PTPRD: variants seen among roughly 807,000 people sequenced by gnomAD.
The protein encoded by PTPRD is receptor-type tyrosine-protein phosphatase delta.
A neutral mutation model predicts 214.5 loss-of-function variants in PTPRD; 34 were observed. The ratio of observed to expected loss-of-function variants is 0.16; its 90% CI spans 0.12 to 0.21. The LOEUF (loss-of-function observed/expected upper bound fraction) is 0.21, where lower values mean the gene tolerates loss of function less well. PTPRD is among the 10% of genes least tolerant of loss of function. The pLI, the probability that PTPRD is intolerant of heterozygous loss-of-function variation, is 1.00. For missense variants in PTPRD, 2,545 were observed against 2,398.7 expected (o/e 1.06, Z -1.27); for synonymous variants, 1,128 against 845.7 (o/e 1.33, Z -5.79).
chr9:9,278,748 A>T (rs1946584898), intron 9 of PTPRD, among the ~76,000 whole-genome samples: 2 of 151,394 alleles, frequency 1.3e-5, no homozygotes. Flanking sequence ...TAGAACATGC[A>T]GTTAATAACG....
chr9:8,496,203 C>CAA (rs1366929172), intron 26 of PTPRD, among the ~76,000 whole-genome samples: 37 of 128,564 alleles, frequency 2.9e-4, no homozygotes, highest in African/African-American at 1.0e-3. Flanking sequence ...CACACACACA[C>CAA]ACACACAAAC....
At chr9:9,402,966 GAAAAAAAA>G (rs1555359331) in intron 8 of PTPRD, among the ~76,000 whole-genome samples, 5 of 78,608 alleles carry the variant, frequency 6.4e-5, no homozygotes, top group African/African-American at 2.5e-4. Flanking sequence ...CTAATAGGGA[GAAAAAAAA>G]AAAAAAAAAA....
chr9:8,763,768 C>T (rs1211803486), intron 11 of PTPRD, among the ~76,000 whole-genome samples: 3 of 151,672 alleles, frequency 2.0e-5, no homozygotes, highest in Non-Finnish European at 4.4e-5. Context: ...TAAGTTACCC[C>T]TCTCTTATAT....
chr9:8,618,342 G>C (rs563796625), intron 14 of PTPRD, among the ~76,000 whole-genome samples: 1 of 152,114 alleles, frequency 6.6e-6, no homozygotes. Flanking sequence ...TAAAGGGCTT[G>C]GTACCTTTCA....
chr9:9,370,877 T>G (rs1315004141), intron 9 of PTPRD, among the ~76,000 whole-genome samples: 1 of 151,722 alleles, frequency 6.6e-6, no homozygotes, highest in African/African-American at 2.4e-5. Flanking sequence ...AATCATGTGG[T>G]TTTTGTCTTT....
intron 4 of PTPRD, among the ~76,000 whole-genome samples, chr9:9,970,520 C>T (rs184928362): frequency 1.3e-5 from 2 of 151,712 alleles, no homozygotes; most frequent in East Asian, 3.9e-4. Context: ...GACAGTCAGA[C>T]ATGGCTCTTA....
chr9:10,356,884 T>C (rs1305512440), intron 2 of PTPRD, among the ~76,000 whole-genome samples: 2 of 151,876 alleles, frequency 1.3e-5, no homozygotes, highest in Non-Finnish European at 2.9e-5. Context: ...TTTCACCATG[T>C]TGGTCAGGAT....
chr9:10,477,797 G>A (rs577820389), intron 2 of PTPRD, among the ~76,000 whole-genome samples: 1 of 152,076 alleles, frequency 6.6e-6, no homozygotes, highest in Non-Finnish European at 1.5e-5. Context: ...ATACTATGCA[G>A]CCATAAAAAA....
At chr9:8,645,055 A>T (rs1034565189) in intron 12 of PTPRD, among the ~76,000 whole-genome samples, 6 of 152,256 alleles carry the variant, frequency 3.9e-5, no homozygotes, top group African/African-American at 1.4e-4. Flanking sequence ...GATTGCACAG[A>T]TAATATATCG....
chr9:9,695,575 C>T (rs947693042), intron 7 of PTPRD, among the ~76,000 whole-genome samples: 2 of 152,054 alleles, frequency 1.3e-5, no homozygotes, highest in Non-Finnish European at 2.9e-5. Flanking sequence ...AGGTATGTTC[C>T]TTTTATACCC....
At chr9:9,835,854 A>C (rs1181664663) in intron 5 of PTPRD, among the ~76,000 whole-genome samples, 2 of 152,126 alleles carry the variant, frequency 1.3e-5, no homozygotes, top group Non-Finnish European at 2.9e-5. Flanking sequence ...CCCTTCTATA[A>C]TAATCTTATG....
intron 7 of PTPRD, among the ~76,000 whole-genome samples, chr9:9,645,765 C>T (rs1407231790): frequency 1.3e-5 from 2 of 151,872 alleles, no homozygotes; most frequent in South Asian, 4.1e-4. Flanking sequence ...TAATATCCAC[C>T]ATTTTAACAT....
intron 7 of PTPRD, among the ~76,000 whole-genome samples, chr9:9,667,112 T>G (rs897272229): frequency 7.9e-5 from 12 of 152,056 alleles, no homozygotes; most frequent in Admixed American, 2.0e-4. Flanking sequence ...TATATCTTCT[T>G]TACTCTCTTT....
At chr9:8,763,652 A>C (rs1157735831) in intron 11 of PTPRD, among the ~76,000 whole-genome samples, 10 of 151,696 alleles carry the variant, frequency 6.6e-5, no homozygotes, top group Admixed American at 6.6e-4. Context: ...AGCACACCTA[A>C]GAGAAAGTGA....
At chr9:10,135,550 G>A (rs2098936471) in intron 3 of PTPRD, among the ~76,000 whole-genome samples, 1 of 152,076 alleles carries the variant, frequency 6.6e-6, no homozygotes, top group Admixed American at 6.6e-5. Flanking sequence ...AACATTACAA[G>A]CCAGGAAAGA....
intron 10 of PTPRD, among the ~76,000 whole-genome samples, chr9:9,165,201 A>G (rs1186521194): frequency 6.6e-6 from 1 of 152,204 alleles, no homozygotes; most frequent in African/African-American, 2.4e-5. Context: ...CTTTGAATCC[A>G]TAGTCTAATA....
chr9:9,344,425 G>A (rs1295537983), intron 9 of PTPRD, among the ~76,000 whole-genome samples: 2 of 151,802 alleles, frequency 1.3e-5, no homozygotes, highest in Admixed American at 1.3e-4. Context: ...AGCAAACCAC[G>A]ATGGCACATG....
At chr9:9,085,765 T>C (rs959743763) in intron 10 of PTPRD, among the ~76,000 whole-genome samples, 23 of 152,124 alleles carry the variant, frequency 1.5e-4, no homozygotes, top group Non-Finnish European at 2.1e-4. Context: ...CCATAAGATA[T>C]AAAGTCCAAA....
At chr9:9,835,202 G>A (rs977679992) in intron 5 of PTPRD, among the ~76,000 whole-genome samples, 61 of 152,056 alleles carry the variant, frequency 4.0e-4, no homozygotes, top group African/African-American at 1.3e-3. Context: ...ATATTTCTGC[G>A]GATCCACTAA....
Sources: allele counts gnomAD v4.1 joint callset (sites outside exome capture counted in the v4.1 genomes callset), GRCh38; gene constraint gnomAD v4.1.1; transcripts MANE v1.5; gene names NCBI Gene and HGNC (gene_info 2026-07-23, HGNC 2026-07-21).